The following NFXL1 variants were observed in gnomAD, a reference collection of about 807,000 sequenced individuals.
NFXL1 encodes the protein nuclear transcription factor, X-box binding like 1.
NFXL1 carries 66 observed loss-of-function variants against 123.3 expected under a neutral mutation model. The ratio of observed to expected loss-of-function variants is 0.54; its 90% CI spans 0.44 to 0.66. NFXL1 has a LOEUF of 0.66. Ranked by LOEUF, NFXL1 falls within the 30% of genes least tolerant of loss-of-function variation. NFXL1 has a pLI of 0.00. For synonymous variants in NFXL1, 346 were observed against 360.8 expected, an observed-to-expected ratio of 0.96 and a Z score of 0.46; for missense variants, 944 against 1,125.6, an observed-to-expected ratio of 0.84 and a Z score of 2.31.
At chr4:47,861,326 G>A (rs1008511041) in intron 19 of NFXL1, among the ~76,000 whole-genome samples, 4 of 152,070 alleles carry the variant, frequency 2.6e-5, no homozygotes, top group African/African-American at 7.2e-5. Flanking sequence ...AAACTATAAC[G>A]GCCATTTGAA....
At chr4:47,912,366 G>A (rs1191979402) in intron 2 of NFXL1, among the ~76,000 whole-genome samples, 1 of 151,952 alleles carries the variant, frequency 6.6e-6, no homozygotes, top group Non-Finnish European at 1.5e-5. Context: ...TCAAAGTAAA[G>A]AGAAGCTGAC....
At chr4:47,865,429 C>T (rs1039747083) in intron 18 of NFXL1, among the ~76,000 whole-genome samples, 2 of 151,362 alleles carry the variant, frequency 1.3e-5, no homozygotes, top group East Asian at 1.9e-4. Context: ...CTGAATCCCA[C>T]GACCACAGCA....
rs910519973 is a variant in NFXL1, at chr4:47,892,829, A to T, written c.1452+1351T>A. Among the ~76,000 whole-genome samples, 8 of 152,210 alleles carry T rather than the reference A, an allele frequency of 5.3e-5. No homozygotes were observed. In the East Asian group the frequency reaches 1.5e-3, roughly 29 times the overall value. ...AAGTTCATGTCTAGTAACAATCAAA[A>T]ATCATCTAGCAGACAAAGAAGCAGG... On this transcript the variant is annotated intron_variant, in intron 11 of 22. Coordinates refer to ENST00000507489, the MANE Select transcript of NFXL1 (RefSeq NM_001278624.2).
At chr4:47,910,559 G>A (rs1312022327) in intron 3 of NFXL1, among the ~76,000 whole-genome samples, 1 of 152,080 alleles carries the variant, frequency 6.6e-6, no homozygotes, top group African/African-American at 2.4e-5. Context: ...CCCCATCCAA[G>A]CATTCTACTG....
intron 19 of NFXL1, among the ~76,000 whole-genome samples, chr4:47,858,297 T>C (rs1190396937): frequency 6.6e-6 from 1 of 152,234 alleles, no homozygotes; most frequent in African/African-American, 2.4e-5. Context: ...TTTCAGTAAC[T>C]GGAAAAGTTA....
chr4:47,878,657 T>C lies in NFXL1; in HGVS notation c.1947A>G (p.Pro649=). The C allele has an allele frequency of 1.3e-6, 2 of 1,543,516 alleles. No homozygotes were observed. ...MECLGKHEVS[P]LPCHAVGPYS... is the part of the protein sequence containing the mutation. ...AGGGTCCTACAGCATGGCATGGTAG[T>C]GGACTCACCTTAAAAAATAAAGGAA... Residue 649 remains proline, a synonymous_variant, in exon 17 of 23, where the codon CCA becomes CCG. Coordinates refer to ENST00000507489, the MANE Select transcript of NFXL1 (RefSeq NM_001278624.2).
chr4:47,869,321 T>C (rs2110056665), intron 18 of NFXL1, among the ~76,000 whole-genome samples: 1 of 152,284 alleles, frequency 6.6e-6, no homozygotes, highest in Admixed American at 6.5e-5. Context: ...TAAAACATGA[T>C]CCACACACAC....
Position 47,847,993 on chromosome 4 carries a change from G to T in NFXL1, c.*170C>A. 3 of 501,978 alleles carry T rather than the reference G, an allele frequency of 6.0e-6. No homozygotes were observed. The highest frequency in any genetic ancestry group is 1.0e-5 in the Non-Finnish European group (3 of 286,962). 31.1% of individuals were successfully genotyped at this position (501,978 alleles called of 1,614,324 possible). A position where few individuals can be genotyped will look rare whatever the true frequency, so the allele number is the denominator to read the frequency against. The stretch of plus-strand genomic sequence containing the variant: ...AAACAGTATTATACTGCCCTTTCTA[G>T]TATACTAATTAAGATAAAGTTTAAC... On this transcript the variant is annotated 3_prime_UTR_variant, in exon 23 of 23. Coordinates refer to ENST00000507489, the MANE Select transcript of NFXL1 (RefSeq NM_001278624.2).
rs562377632 is a variant in NFXL1 at position 47,866,944 on chromosome 4, TG to T, written c.2247-4030del. On this transcript the variant is annotated intron_variant, in intron 18 of 22. Coordinates refer to ENST00000507489, the MANE Select transcript of NFXL1 (RefSeq NM_001278624.2). ...TACAAGTGTTGTCACAACTCAGTGC[TG>T]GGAGAATTAAGTACAAACTATGTGG... Among the ~76,000 whole-genome samples the T allele has an allele frequency of 3.3e-3, 500 of 152,340 alleles. 6 individuals are homozygous for T. Among genetic ancestry groups the T allele is most frequent in the Non-Finnish European group, 2.0e-3 (133 of 68,036 alleles).
intron 21 of NFXL1, 80 bp downstream of exon 21, chr4:47,851,776 G>T: frequency 1.1e-6 from 1 of 878,636 alleles, no homozygotes; most frequent in Non-Finnish European, 1.8e-6. Context: ...ATTTCAAGTT[G>T]TTTTTAATAA....
At chr4:47,902,160 C>T (rs1288681694) in intron 5 of NFXL1, among the ~76,000 whole-genome samples, 1 of 150,890 alleles carries the variant, frequency 6.6e-6, no homozygotes, top group Non-Finnish European at 1.5e-5. Flanking sequence ...CCAGCCTGGG[C>T]AATACAGCAA....
chr4:47,914,032 C>A lies in NFXL1; in HGVS notation c.172G>T (p.Ala58Ser), dbSNP rs1168127017. ...GTSPGGVATT[A>S]AAGSRHSPAG... The stretch of plus-strand genomic sequence containing the variant: ...GGGCTGTGCCTGCTCCCTGCAGCCG[C>A]CGTGGTCGCGACTCCTCCGGGACTG... Residue 58 changes from alanine to serine, a missense_variant, in exon 2 of 23, where the codon GCG (alanine) becomes TCG (serine). This residue lies in a region of NFXL1 where 303 missense variants were observed against 292.1 expected (regional missense o/e 1.04). Coordinates refer to ENST00000507489, the MANE Select transcript of NFXL1 (RefSeq NM_001278624.2). 1.3e-6 allele frequency: 2 copies of A among 1,549,150 alleles called. No individual in the cohort carries two copies. Among genetic ancestry groups the A allele is most frequent in the South Asian group, 1.2e-5 (1 of 83,996 alleles).
chr4:47,872,589 T>G (rs1460677981), intron 18 of NFXL1, among the ~76,000 whole-genome samples: 1 of 152,164 alleles, frequency 6.6e-6, no homozygotes, highest in Non-Finnish European at 1.5e-5. Context: ...GTCACACACA[T>G]TTTTTGGCTT....
intron 4 of NFXL1, 80 bp from the exon 5 acceptor site, chr4:47,903,403 T>A: frequency 4.2e-6 from 4 of 947,444 alleles, no homozygotes; most frequent in Non-Finnish European, 5.8e-6. Flanking sequence ...AGTATCACAC[T>A]AAACTATTTT....
rs1240118067 is a variant in NFXL1, at chr4:47,847,840, TAA to T, written c.*321_*322del. On this transcript the variant is annotated 3_prime_UTR_variant, in exon 23 of 23. Coordinates refer to ENST00000507489, the MANE Select transcript of NFXL1 (RefSeq NM_001278624.2). ...CTCAGTCTCATCTGAATTATTTTTT[TAA>T]AAGTGTTGGTTTGAATTATTAAATG... 2 of 176,664 alleles carry T rather than the reference TAA, an allele frequency of 1.1e-5. No individual in the cohort carries two copies. The highest frequency in any genetic ancestry group is 4.7e-5 in the African/African-American group (2 of 42,518). 10.9% of individuals were successfully genotyped at this position (176,664 alleles called of 1,614,324 possible). A position where few individuals can be genotyped will look rare whatever the true frequency, so the allele number is the denominator to read the frequency against.
rs1736381241 is a variant in NFXL1, at chr4:47,885,580, G to A, written c.1742C>T (p.Pro581Leu). 1 of 1,613,734 alleles carries A rather than the reference G, an allele frequency of 6.2e-7. No individual in the cohort carries two copies. Among genetic ancestry groups the A allele is most frequent in the Admixed American group, 1.7e-5 (1 of 60,008 alleles). The change falls in exon 14 of 23, where the codon CCT (proline) becomes CTT (leucine). Residue 581 changes from proline to leucine, a missense_variant. This residue lies in a region of NFXL1 where 44 missense variants were observed against 90.4 expected (regional missense o/e 0.49). Transcript: ENST00000507489. ...ACATTTCTCCAAAACTTTTTGGCAAGGTTGATGACATGGTGGACAAGAACC... is the reference window on the plus strand; with the variant it reads ...ACATTTCTCCAAAACTTTTTGGCAAAGTTGATGACATGGTGGACAAGAACC... ...HFGSCPPCHQ[P>L]CQKVLEKCGH...
At chr4:47,877,774 A>G (rs1735844017) in intron 17 of NFXL1, among the ~76,000 whole-genome samples, 1 of 152,094 alleles carries the variant, frequency 6.6e-6, no homozygotes, top group Non-Finnish European at 1.5e-5. Context: ...ATTTTCAATA[A>G]CATAAGTCAT....
chr4:47,848,883 C>T (rs1204099452), intron 22 of NFXL1, among the ~76,000 whole-genome samples: 1 of 151,782 alleles, frequency 6.6e-6, no homozygotes, highest in Non-Finnish European at 1.5e-5. Flanking sequence ...AGAGAGACTC[C>T]ATCTCAAAAA....
At chr4:47,848,837 C>T (rs946798007) in intron 22 of NFXL1, among the ~76,000 whole-genome samples, 3 of 151,824 alleles carry the variant, frequency 2.0e-5, no homozygotes, top group Non-Finnish European at 4.4e-5. Context: ...TGCAGTGAGC[C>T]GAGATGGCGC....
Sources: gnomAD v4.1 joint callset for allele counts (sites outside exome capture counted in the v4.1 genomes callset) on GRCh38, gnomAD v4.1.1 for gene constraint, gnomAD v4.1.1 regional missense constraint, MANE v1.5 for transcripts, NCBI Gene and HGNC (gene_info 2026-07-23, HGNC 2026-07-21) for gene names.